The following ST3GAL1 variants were observed in gnomAD, a reference collection of about 807,000 sequenced individuals.
The protein encoded by ST3GAL1 is ST3 beta-galactoside alpha-2,3-sialyltransferase 1.
A neutral mutation model predicts 34.1 loss-of-function variants in ST3GAL1; 16 were observed. That is an observed-to-expected ratio of 0.47 (90% CI 0.32 to 0.71). ST3GAL1 has a LOEUF of 0.71. ST3GAL1 is among the 30% of genes least tolerant of loss of function. The pLI, the probability that ST3GAL1 is intolerant of heterozygous loss-of-function variation, is 0.04. For missense variants in ST3GAL1, 353 were observed against 447.4 expected, an observed-to-expected ratio of 0.79 and a Z score of 1.90; for synonymous variants, 191 against 184.7, an observed-to-expected ratio of 1.03 and a Z score of -0.28.
chr8:133,539,394 A>G (rs1217257136), intron 2 of ST3GAL1, among the ~76,000 whole-genome samples: 9 of 152,194 alleles, frequency 5.9e-5, no homozygotes, highest in Non-Finnish European at 1.3e-4. Context: ...CAAAGCGGGC[A>G]AAGAACCAGA....
At chr8:133,548,117 G>A (rs1368900399) in intron 1 of ST3GAL1, among the ~76,000 whole-genome samples, 2 of 152,142 alleles carry the variant, frequency 1.3e-5, no homozygotes, top group Admixed American at 6.5e-5. Context: ...TAGGAGTCAG[G>A]GTCCAGGAAA....
intron 3 of ST3GAL1, among the ~76,000 whole-genome samples, chr8:133,490,950 C>CT (rs755854021): frequency 3.9e-5 from 6 of 152,196 alleles, no homozygotes; most frequent in Non-Finnish European, 8.8e-5. Context: ...GCATCGGCGC[C>CT]TGCCCATTTG....
At chr8:133,568,570 T>C (rs1269528996) in intron 1 of ST3GAL1, among the ~76,000 whole-genome samples, 1 of 152,204 alleles carries the variant, frequency 6.6e-6, no homozygotes, top group Non-Finnish European at 1.5e-5. Context: ...GTGGATTTTA[T>C]TTTTTGCTTT....
At position 133,457,419 on chromosome 8, in the gene ST3GAL1, A is replaced by G. The variant is rs1223077124; in HGVS notation, c.*2345T>C. The G allele has an allele frequency of 6.6e-6, 1 of 152,210 alleles. No homozygotes were observed. The highest frequency in any genetic ancestry group is 2.4e-5 in the African/African-American group (1 of 41,452). 9.4% of individuals were successfully genotyped at this position (152,210 alleles called of 1,614,324 possible). ...TTGAGGAGATAGCATCGCTCTCTGTATCAGTGTCTGATGATCTGGAGTCTG... is the reference window on the plus strand; with the variant it reads ...TTGAGGAGATAGCATCGCTCTCTGTGTCAGTGTCTGATGATCTGGAGTCTG... On this transcript the variant is annotated 3_prime_UTR_variant, in exon 10 of 10. Coordinates refer to ENST00000522652, the MANE Select transcript of ST3GAL1 (RefSeq NM_173344.3).
intron 1 of ST3GAL1, among the ~76,000 whole-genome samples, chr8:133,569,083 T>A (rs1819487164): frequency 6.6e-6 from 1 of 152,176 alleles, no homozygotes; most frequent in South Asian, 2.1e-4. Flanking sequence ...CTGCCATCAC[T>A]TCTAGCAACG....
In ST3GAL1 at chr8:133,469,374, G is replaced by A. The variant is rs1815863436; in HGVS notation, c.307-3284C>T. 6.6e-6 allele frequency among the ~76,000 whole-genome samples: 1 copy of A among 151,964 alleles called. No individual in the cohort carries two copies. Among genetic ancestry groups the A allele is most frequent in the Non-Finnish European group, 1.5e-5 (1 of 68,006 alleles). On this transcript the variant is annotated intron_variant, in intron 5 of 9. Coordinates refer to ENST00000522652, the MANE Select transcript of ST3GAL1 (RefSeq NM_173344.3). The surrounding 1 kb of genome is among the most constrained non-coding windows in gnomAD (Gnocchi z 4.3). ...GCTGGGATTACAGGTGTGCACCACT[G>A]TGCCTGGCTAATTTTTGTATTTTTA...
Position 133,466,756 on chromosome 8 carries a change from G to T in ST3GAL1, c.307-666C>A, listed in dbSNP as rs895035912. On this transcript the variant is annotated intron_variant, in intron 5 of 9. Transcript: ENST00000522652. The surrounding 1 kb of genome is among the most constrained non-coding windows in gnomAD (Gnocchi z 4.4). ...AGATTGAAGAATCAGCAGTTTGCTG[G>T]ATGCACAAGGCTTCTGCGATCTGCC... Among the ~76,000 whole-genome samples, 2 of 152,200 alleles carry T rather than the reference G, an allele frequency of 1.3e-5. No individual in the cohort carries two copies. Among genetic ancestry groups the T allele is most frequent in the East Asian group, 3.8e-4 (2 of 5,202 alleles).
rs145807165 is a variant in ST3GAL1 at position 133,475,752 on chromosome 8, C to T, written c.273G>A (p.Ala91=). The change falls in exon 5 of 10, where the codon GCG becomes GCA. Residue 91 remains alanine (A), a synonymous_variant. Transcript: ENST00000522652. ...TMQPLLTAQN[A]LLEDDTYRWW... is the part of the protein sequence containing the mutation. Reference sequence around the variant, plus strand: ...ATCGGTAGGTGTCGTCCTCCAAGAGCGCGTTCTGGGCGGTCAGCAGCGGCT... The same window carrying T: ...ATCGGTAGGTGTCGTCCTCCAAGAGTGCGTTCTGGGCGGTCAGCAGCGGCT... 3.7e-5 allele frequency: 59 copies of T among 1,608,902 alleles called. No homozygotes were observed. Among genetic ancestry groups the T allele is most frequent in the Middle Eastern group, 1.6e-4 (1 of 6,066 alleles).
chr8:133,541,886 G>T (rs755212927), intron 2 of ST3GAL1, among the ~76,000 whole-genome samples: 70 of 152,176 alleles, frequency 4.6e-4, no homozygotes, highest in Non-Finnish European at 9.1e-4. Context: ...AAATGCAGTT[G>T]GTGGCGGCGT....
Position 133,484,618 on chromosome 8 carries a change from C to T in ST3GAL1, c.-373-8018G>A, listed in dbSNP as rs72718294. ...GAACTTCCACATGGAACTCTCCCAGCGCAGTCCCTTGTGCCCCTGTGTTAT... is the reference window on the plus strand; with the variant it reads ...GAACTTCCACATGGAACTCTCCCAGTGCAGTCCCTTGTGCCCCTGTGTTAT... On this transcript the variant is annotated intron_variant, in intron 3 of 9. Transcript: ENST00000522652. 8.6e-3 allele frequency among the ~76,000 whole-genome samples: 1,308 copies of T among 152,290 alleles called. 7 individuals carry two copies. The highest frequency in any genetic ancestry group is 0.011 in the Non-Finnish European group (749 of 68,016).
At chr8:133,488,896 C>G (rs531168364) in intron 3 of ST3GAL1, among the ~76,000 whole-genome samples, 2 of 152,262 alleles carry the variant, frequency 1.3e-5, no homozygotes, top group East Asian at 3.9e-4. Context: ...TCTGGTGGCC[C>G]CCCTAAAGTC....
intron 2 of ST3GAL1, among the ~76,000 whole-genome samples, chr8:133,536,444 G>C (rs1275711442): frequency 6.6e-6 from 1 of 152,200 alleles, no homozygotes; most frequent in Non-Finnish European, 1.5e-5. Flanking sequence ...TTGATTTCTG[G>C]AAGCACATAG....
At chr8:133,496,592 G>A (rs1437580186) in intron 3 of ST3GAL1, among the ~76,000 whole-genome samples, 1 of 152,174 alleles carries the variant, frequency 6.6e-6, no homozygotes, top group Non-Finnish European at 1.5e-5. Flanking sequence ...AGGAGGGGGC[G>A]TGACTTGCCC....
At chr8:133,559,509 T>C (rs1819155341) in intron 1 of ST3GAL1, among the ~76,000 whole-genome samples, 1 of 152,244 alleles carries the variant, frequency 6.6e-6, no homozygotes, top group Non-Finnish European at 1.5e-5. Flanking sequence ...GACTGAATTT[T>C]AAAACATAAG....
At chr8:133,521,400 G>A (rs972908112) in intron 2 of ST3GAL1, among the ~76,000 whole-genome samples, 6 of 152,298 alleles carry the variant, frequency 3.9e-5, no homozygotes, top group African/African-American at 1.4e-4. Context: ...TTGGGTTCAA[G>A]CAATTCTCCT....
intron 2 of ST3GAL1, among the ~76,000 whole-genome samples, chr8:133,530,808 C>T (rs766329776): frequency 6.6e-6 from 1 of 152,152 alleles, no homozygotes; most frequent in Non-Finnish European, 1.5e-5. Context: ...GGGCCAGCAT[C>T]GTGGGTTCCT....
chr8:133,564,926 A>T (rs1819346773), intron 1 of ST3GAL1, among the ~76,000 whole-genome samples: 2 of 152,254 alleles, frequency 1.3e-5, no homozygotes, highest in Admixed American at 1.3e-4. Context: ...GATGCTACTG[A>T]TAACAATTGA....
At chr8:133,527,072 T>C (rs1817998251) in intron 2 of ST3GAL1, among the ~76,000 whole-genome samples, 2 of 152,162 alleles carry the variant, frequency 1.3e-5, no homozygotes, top group Non-Finnish European at 2.9e-5. Context: ...AGGGCACCCA[T>C]CCATGCTAAC....
intron 5 of ST3GAL1, among the ~76,000 whole-genome samples, chr8:133,470,578 C>A (rs532583093): frequency 6.6e-6 from 1 of 152,316 alleles, no homozygotes; most frequent in South Asian, 2.1e-4. Context: ...TGCCTGCCGC[C>A]TGGTGGCCTG....
Sources: allele counts gnomAD v4.1 joint callset (sites outside exome capture counted in the v4.1 genomes callset), GRCh38; gene constraint gnomAD v4.1.1; non-coding constraint Gnocchi (gnomAD v3.1); transcripts MANE v1.5; gene names NCBI Gene and HGNC (gene_info 2026-07-23, HGNC 2026-07-21).